The following MCTP1 variants were observed in gnomAD, a reference collection of about 807,000 sequenced individuals.
MCTP1 encodes the protein multiple C2 and transmembrane domain-containing protein 1.
A neutral mutation model predicts 120.6 loss-of-function variants in MCTP1; 69 were observed. That is an observed-to-expected ratio of 0.57 (90% CI 0.47 to 0.70). The LOEUF is 0.70. Among genes scored for constraint, MCTP1 ranks in the 30% least tolerant of loss-of-function variants. The pLI is 0.00. For synonymous variants in MCTP1, 529 were observed against 493.1 expected (o/e 1.07, Z -0.96); for missense variants, 1,203 against 1,248.8 (o/e 0.96, Z 0.55).
At position 94,950,632 on chromosome 5, in the gene MCTP1, C is replaced by T. The variant is rs891779230; in HGVS notation, c.981+2587G>A. Among the ~76,000 whole-genome samples, 8 of 152,118 alleles carry T rather than the reference C, an allele frequency of 5.3e-5. No homozygotes were observed. In the South Asian group the frequency reaches 1.0e-3, roughly 20 times the overall value. On this transcript the variant is annotated intron_variant, in intron 3 of 22. Transcript: ENST00000515393. The stretch of plus-strand genomic sequence containing the variant: ...ACATACATACATGTATATTCTTGCT[C>T]TCAAGTCAAGACCATTTCTGCCACA...
intron 2 of MCTP1, among the ~76,000 whole-genome samples, chr5:95,000,751 T>A (rs1182220164): frequency 1.3e-5 from 2 of 152,210 alleles, no homozygotes; most frequent in Non-Finnish European, 2.9e-5. Context: ...AGATTTATTA[T>A]TAAAGACAGA....
chr5:95,028,269 A>G (rs1265938109), intron 1 of MCTP1, among the ~76,000 whole-genome samples: 2 of 152,208 alleles, frequency 1.3e-5, no homozygotes, highest in African/African-American at 4.8e-5. Context: ...ATGCATGGTT[A>G]TAATGGTAAG....
chr5:94,961,919 G>A (rs905216457), intron 2 of MCTP1, among the ~76,000 whole-genome samples: 11 of 152,106 alleles, frequency 7.2e-5, no homozygotes, highest in African/African-American at 2.4e-4. Flanking sequence ...ATTTGTTTGT[G>A]CTCATTGTAG....
At chr5:94,745,128 C>T (rs941631879) in intron 19 of MCTP1, among the ~76,000 whole-genome samples, 3 of 152,218 alleles carry the variant, frequency 2.0e-5, no homozygotes, top group East Asian at 1.9e-4. Flanking sequence ...TTACTGGATA[C>T]GCCTGAGTGC....
intron 19 of MCTP1, among the ~76,000 whole-genome samples, chr5:94,740,908 T>A (rs1226425529): frequency 6.6e-6 from 1 of 152,160 alleles, no homozygotes; most frequent in South Asian, 2.1e-4. Flanking sequence ...GAAGACTTCC[T>A]GGAGAAGGTG....
intron 18 of MCTP1, chr5:94,784,950 A>G (rs1405303673): frequency 6.6e-6 from 1 of 152,050 alleles, no homozygotes; most frequent in African/African-American, 2.4e-5. Context: ...CTTAATAAGG[A>G]ATGTGGCTTT....
chr5:94,838,620 C>G (rs1041191515), intron 17 of MCTP1, among the ~76,000 whole-genome samples: 1 of 152,132 alleles, frequency 6.6e-6, no homozygotes, highest in Admixed American at 6.6e-5. Context: ...AAGTCTTTAC[C>G]CATTTGAACT....
chr5:94,790,743 G>T (rs1778714778), intron 18 of MCTP1, among the ~76,000 whole-genome samples: 1 of 152,078 alleles, frequency 6.6e-6, no homozygotes, highest in Non-Finnish European at 1.5e-5. Flanking sequence ...GGTAGTAGGG[G>T]GTGAGTGTCA....
chr5:94,979,110 GCCAC>G (rs1828807668), intron 2 of MCTP1: 1 of 152,072 alleles, frequency 6.6e-6, no homozygotes, highest in African/African-American at 2.4e-5. Flanking sequence ...GGGGCCAGTT[GCCAC>G]GGAGAACAAC....
At chr5:95,040,286 A>C (rs574721894) in intron 1 of MCTP1, among the ~76,000 whole-genome samples, 1 of 152,170 alleles carries the variant, frequency 6.6e-6, no homozygotes, top group Non-Finnish European at 1.5e-5. Context: ...ATATACAAAA[A>C]AATTAGCCAG....
chr5:94,885,875 G>A (rs765511604), intron 12 of MCTP1, among the ~76,000 whole-genome samples: 16 of 152,160 alleles, frequency 1.1e-4, no homozygotes, highest in Non-Finnish European at 2.2e-4. Flanking sequence ...GCTGTGAAAA[G>A]CTGCCCACAA....
chr5:94,871,764 C>T (rs560811509), intron 13 of MCTP1, among the ~76,000 whole-genome samples: 2 of 152,176 alleles, frequency 1.3e-5, no homozygotes, highest in South Asian at 4.1e-4. Context: ...TTCTAATTAT[C>T]ACAATTCATA....
chr5:95,245,902 A>G (rs1487831475), intron 1 of MCTP1, among the ~76,000 whole-genome samples: 2 of 152,222 alleles, frequency 1.3e-5, no homozygotes, highest in African/African-American at 4.8e-5. Flanking sequence ...GTTGAAATGA[A>G]GGAAAAAATG....
intron 2 of MCTP1, among the ~76,000 whole-genome samples, chr5:95,013,647 A>C (rs1836476461): frequency 6.6e-6 from 1 of 152,124 alleles, no homozygotes; most frequent in Non-Finnish European, 1.5e-5. Flanking sequence ...TGGTTTGCTA[A>C]ATATTTAGTA....
At chr5:95,279,991 T>C (rs1760182074) in intron 1 of MCTP1, among the ~76,000 whole-genome samples, 1 of 152,230 alleles carries the variant, frequency 6.6e-6, no homozygotes, top group Non-Finnish European at 1.5e-5. Context: ...TCGTTTATAA[T>C]AGGAATTATG....
intron 1 of MCTP1, among the ~76,000 whole-genome samples, chr5:95,042,392 A>T (rs1842502068): frequency 6.6e-6 from 1 of 152,214 alleles, no homozygotes; most frequent in Non-Finnish European, 1.5e-5. Flanking sequence ...ACAGCGGAAG[A>T]TGCAGAAAGT....
intron 17 of MCTP1, among the ~76,000 whole-genome samples, chr5:94,828,689 G>C (rs1787801718): frequency 6.6e-6 from 1 of 152,210 alleles, no homozygotes; most frequent in Non-Finnish European, 1.5e-5. Flanking sequence ...TCTGGCTACA[G>C]TAGCTTTGCT....
At chr5:94,828,672 G>A (rs1217123143) in intron 17 of MCTP1, among the ~76,000 whole-genome samples, 1 of 152,216 alleles carries the variant, frequency 6.6e-6, no homozygotes, top group Non-Finnish European at 1.5e-5. Flanking sequence ...GGAATCTAGA[G>A]CGGCAGTCTG....
chr5:94,758,509 G>T (rs1192506641), intron 19 of MCTP1, among the ~76,000 whole-genome samples: 1 of 152,088 alleles, frequency 6.6e-6, no homozygotes, highest in Non-Finnish European at 1.5e-5. Flanking sequence ...TGTGCTGTGG[G>T]TATGTAAATA....
Sources: allele counts gnomAD v4.1 joint callset (sites outside exome capture counted in the v4.1 genomes callset), GRCh38; gene constraint gnomAD v4.1.1; transcripts MANE v1.5; gene names NCBI Gene and HGNC (gene_info 2026-07-23, HGNC 2026-07-21).